The following UNC13C variants were observed in gnomAD, a reference collection of about 807,000 sequenced individuals.
UNC13C encodes protein unc-13 homolog C.
A neutral mutation model predicts 245.4 loss-of-function variants in UNC13C; 174 were observed. The observed-to-expected ratio is 0.71, with a 90% CI of 0.63 to 0.80. The LOEUF (loss-of-function observed/expected upper bound fraction) is 0.80. UNC13C is among the 30% of genes least tolerant of loss of function. The pLI is 0.00. For missense variants in UNC13C, 2,829 were observed against 2,602.9 expected, an observed-to-expected ratio of 1.09 and a Z score of -1.89; for synonymous variants, 992 against 895.1, an observed-to-expected ratio of 1.11 and a Z score of -1.93.
At chr15:54,054,742 G>A (rs1897428724) in intron 2 of UNC13C, among the ~76,000 whole-genome samples, 1 of 152,056 alleles carries the variant, frequency 6.6e-6, no homozygotes, top group Non-Finnish European at 1.5e-5. Context: ...TGTATTTTCT[G>A]TCTATACCCT....
chr15:54,384,588 G>T (rs112789099), intron 17 of UNC13C, among the ~76,000 whole-genome samples: 3 of 151,992 alleles, frequency 2.0e-5, no homozygotes, highest in Non-Finnish European at 4.4e-5. Context: ...TTGGTCTTCC[G>T]AAAATCTTTC....
At chr15:54,595,019 T>A (rs546747741) in intron 30 of UNC13C, among the ~76,000 whole-genome samples, 140 of 152,178 alleles carry the variant, frequency 9.2e-4, no homozygotes, top group Non-Finnish European at 1.8e-3. Flanking sequence ...AGGAAAAGGA[T>A]TAAACAGTGA....
chr15:54,588,680 C>T (rs899721590), intron 30 of UNC13C, among the ~76,000 whole-genome samples: 6 of 152,134 alleles, frequency 3.9e-5, no homozygotes, highest in African/African-American at 1.4e-4. Flanking sequence ...ATTGTACATT[C>T]TTATGCATTT....
chr15:54,130,825 T>C (rs1001967042), intron 2 of UNC13C, among the ~76,000 whole-genome samples: 3 of 152,210 alleles, frequency 2.0e-5, no homozygotes, highest in Non-Finnish European at 2.9e-5. Context: ...TAATATTCTT[T>C]CTGGTTTTAT....
the UNC13C span, among the ~76,000 whole-genome samples, chr15:53,863,746 A>T: frequency 3.9e-5 from 6 of 152,214 alleles, no homozygotes; most frequent in African/African-American, 1.2e-4. Flanking sequence ...GATGCTATGT[A>T]TTATGTATGC....
intron 14 of UNC13C, among the ~76,000 whole-genome samples, chr15:54,326,309 G>A (rs1461494831): frequency 6.6e-6 from 1 of 151,824 alleles, no homozygotes; most frequent in African/African-American, 2.4e-5. Flanking sequence ...GCTACTGAGG[G>A]GAATACAAAA....
At chr15:54,416,297 G>A (rs1963427081) in intron 19 of UNC13C, among the ~76,000 whole-genome samples, 2 of 152,062 alleles carry the variant, frequency 1.3e-5, no homozygotes, top group Admixed American at 1.3e-4. Flanking sequence ...TCATGCTAAT[G>A]TTTAATAGCT....
chr15:54,319,830 A>T (rs535437023), intron 13 of UNC13C, among the ~76,000 whole-genome samples: 1 of 152,134 alleles, frequency 6.6e-6, no homozygotes, highest in South Asian at 2.1e-4. Context: ...CACTTTTATC[A>T]TAAGCTGTGC....
chr15:54,283,800 A>G (rs117556761), intron 10 of UNC13C, among the ~76,000 whole-genome samples: 3,827 of 152,202 alleles, frequency 0.025, 87 homozygotes, highest in South Asian at 0.055. Flanking sequence ...GATTGGGCGC[A>G]GAGGCTCAGT....
intron 18 of UNC13C, among the ~76,000 whole-genome samples, chr15:54,405,735 G>A (rs990554380): frequency 5.9e-5 from 9 of 152,002 alleles, no homozygotes; most frequent in African/African-American, 9.6e-5. Flanking sequence ...TTCCAGTACC[G>A]GCTTTCCTCT....
the UNC13C span, among the ~76,000 whole-genome samples, chr15:53,887,107 C>T: frequency 6.6e-6 from 1 of 152,050 alleles, no homozygotes; most frequent in African/African-American, 2.4e-5. Flanking sequence ...TTGGTTAATC[C>T]TATATCAATA....
chr15:54,372,021 A>T (rs962965403), intron 17 of UNC13C, among the ~76,000 whole-genome samples: 1 of 152,204 alleles, frequency 6.6e-6, no homozygotes, highest in African/African-American at 2.4e-5. Context: ...CAAAAGATCT[A>T]TTGTACAACA....
At chr15:53,926,308 G>C in the UNC13C span, among the ~76,000 whole-genome samples, 1 of 152,096 alleles carries the variant, frequency 6.6e-6, no homozygotes. Context: ...CCCTGGATTT[G>C]AATAATGGCT....
intron 2 of UNC13C, among the ~76,000 whole-genome samples, chr15:54,043,905 C>CT (rs1327689787): frequency 6.6e-6 from 1 of 152,164 alleles, no homozygotes; most frequent in Non-Finnish European, 1.5e-5. Flanking sequence ...TAAGTTTTTC[C>CT]TATTACAACT....
chr15:54,053,887 G>C (rs1897381792), intron 2 of UNC13C, among the ~76,000 whole-genome samples: 1 of 152,144 alleles, frequency 6.6e-6, no homozygotes, highest in African/African-American at 2.4e-5. Flanking sequence ...ATGAGAATAT[G>C]TGAAGTTTGT....
intron 19 of UNC13C, among the ~76,000 whole-genome samples, chr15:54,460,799 T>C (rs956651285): frequency 4.6e-5 from 7 of 152,206 alleles, no homozygotes; most frequent in African/African-American, 1.7e-4. Context: ...ACAAAATGAA[T>C]CTCCACACAC....
chr15:54,483,226 C>A (rs539387225), intron 19 of UNC13C, among the ~76,000 whole-genome samples: 1 of 152,154 alleles, frequency 6.6e-6, no homozygotes, highest in Non-Finnish European at 1.5e-5. Context: ...TGCTCTTCAG[C>A]TGGTTTTTCA....
chr15:54,159,454 T>A lies in UNC13C; in HGVS notation c.3071+15770T>A, dbSNP rs75652526. On this transcript the variant is annotated intron_variant, in intron 4 of 32. Transcript: ENST00000260323. ...CACTGTTTGTCCTTTGAGTCTTTTT[T>A]GATTAGAGGATGCAGATGCCTAAGG... Among the ~76,000 whole-genome samples the A allele has an allele frequency of 8.0e-3, 1,216 of 152,310 alleles. 23 individuals carry two copies. Among genetic ancestry groups the A allele is most frequent in the African/African-American group, 0.028 (1,162 of 41,562 alleles).
chr15:54,182,198 G>A (rs2033824361), intron 4 of UNC13C, among the ~76,000 whole-genome samples: 1 of 151,852 alleles, frequency 6.6e-6, no homozygotes, highest in Non-Finnish European at 1.5e-5. Flanking sequence ...ATTATTTTGT[G>A]GCATGTTCCT....
Sources: allele counts gnomAD v4.1 joint callset (sites outside exome capture counted in the v4.1 genomes callset), GRCh38; gene constraint gnomAD v4.1.1; transcripts MANE v1.5; gene names NCBI Gene and HGNC (gene_info 2026-07-23, HGNC 2026-07-21).